UVSSA: variants seen among roughly 807,000 people sequenced by gnomAD.
UVSSA encodes the protein UV-stimulated scaffold protein A.
Under a neutral mutation model 73.9 loss-of-function variants are expected in UVSSA, and 72 were observed. That is an observed-to-expected ratio of 0.97 (90% CI 0.81 to 1.19). The LOEUF (loss-of-function observed/expected upper bound fraction) is 1.19, where lower values mean the gene tolerates loss of function less well. UVSSA is among the 50% of genes most tolerant of loss of function. The pLI is 0.00. For missense variants in UVSSA, 1,150 were observed against 965.0 expected, an observed-to-expected ratio of 1.19 and a Z score of -2.54; for synonymous variants, 454 against 391.3, an observed-to-expected ratio of 1.16 and a Z score of -1.89.
intron 12 of UVSSA, among the ~76,000 whole-genome samples, chr4:1,382,971 G>C (rs911906370): frequency 6.6e-6 from 1 of 152,182 alleles, no homozygotes; most frequent in African/African-American, 2.4e-5. Flanking sequence ...TCCCGAGCCC[G>C]ACCAGCACCA....
intron 12 of UVSSA, 43 bp downstream of exon 12, chr4:1,381,031 G>A (rs1362294786): frequency 6.3e-7 from 1 of 1,576,268 alleles, no homozygotes. Context: ...CACAGCCTGG[G>A]ACTCACTGCC....
intron 8 of UVSSA, among the ~76,000 whole-genome samples, chr4:1,370,412 G>C (rs1240573602): frequency 6.6e-6 from 1 of 152,234 alleles, no homozygotes; most frequent in African/African-American, 2.4e-5. Context: ...GTGTCTCCCG[G>C]GTGCGCGCCT....
intron 7 of UVSSA, among the ~76,000 whole-genome samples, chr4:1,360,683 G>T (rs746265106): frequency 1.3e-5 from 2 of 152,128 alleles, no homozygotes; most frequent in South Asian, 4.1e-4. Flanking sequence ...CCCGTGAGCC[G>T]AGTGTGTGTG....
intron 8 of UVSSA, among the ~76,000 whole-genome samples, chr4:1,367,973 C>T (rs1717552800): frequency 6.6e-6 from 1 of 152,262 alleles, no homozygotes; most frequent in Non-Finnish European, 1.5e-5. Context: ...CTGAGCACAC[C>T]GTTGGCCGCT....
At chr4:1,361,496 G>A (rs1321639641) in intron 7 of UVSSA, among the ~76,000 whole-genome samples, 5 of 152,276 alleles carry the variant, frequency 3.3e-5, no homozygotes, top group African/African-American at 7.2e-5. Flanking sequence ...GTGAGGACAC[G>A]CCTATGGTGC....
chr4:1,368,464 C>A (rs1021218694), intron 8 of UVSSA, among the ~76,000 whole-genome samples: 1 of 152,240 alleles, frequency 6.6e-6, no homozygotes, highest in East Asian at 1.9e-4. Flanking sequence ...TGAGGCTCCC[C>A]GGGCCTGTGG....
At chr4:1,379,985 C>T (rs1050280133) in intron 10 of UVSSA, 62 bp from the exon 11 acceptor site, 64 of 1,522,136 alleles carry the variant, frequency 4.2e-5, no homozygotes, top group Admixed American at 2.4e-4. Flanking sequence ...GCCTGCACCA[C>T]CGTGGCCACG....
intron 5 of UVSSA, among the ~76,000 whole-genome samples, chr4:1,354,146 G>A (rs1023590540): frequency 3.3e-5 from 5 of 152,236 alleles, no homozygotes; most frequent in East Asian, 1.9e-4. Context: ...ACTGATCCTC[G>A]GGTCTCAGCT....
Position 1,386,258 on chromosome 4 carries a change from G to T in UVSSA, c.*297G>T. ...AGTCCTCGTGAGACCAGTGCTTGTC[G>T]TGGTGTGGGGTTCAGCACGGACGGA... On this transcript the variant is annotated 3_prime_UTR_variant, in exon 14 of 14. Transcript: ENST00000389851. The T allele has an allele frequency of 2.7e-6, 1 of 366,186 alleles. No homozygotes were observed. Among genetic ancestry groups the T allele is most frequent in the South Asian group, 2.9e-5 (1 of 34,698 alleles). 22.7% of individuals were successfully genotyped at this position (366,186 alleles called of 1,614,324 possible). A position where few individuals can be genotyped will look rare whatever the true frequency, so the allele number is the denominator to read the frequency against.
intron 11 of UVSSA, among the ~76,000 whole-genome samples, 169 bp downstream of exon 11, chr4:1,380,399 C>T (rs1356416735): frequency 6.6e-6 from 1 of 152,208 alleles, no homozygotes; most frequent in Non-Finnish European, 1.5e-5. Context: ...AGCCGTTGGC[C>T]ATCAGAGCAT....
At chr4:1,395,525 T>G in exon 14 of UVSSA, 1 of 1,589,256 alleles carries the variant, frequency 6.3e-7, no homozygotes, top group South Asian at 1.1e-5. Context: ...CATGCCGATG[T>G]GGAGTGCCCG....
intron 2 of UVSSA, among the ~76,000 whole-genome samples, chr4:1,348,751 C>T (rs1309152774): frequency 6.6e-6 from 1 of 152,204 alleles, no homozygotes; most frequent in Non-Finnish European, 1.5e-5. Flanking sequence ...ATTGTTTATA[C>T]AGTGATGGAG....
chr4:1,354,492 T>A (rs1715345635), intron 5 of UVSSA: 5 of 534,736 alleles, frequency 9.4e-6, no homozygotes, highest in South Asian at 6.2e-5. Flanking sequence ...CCAAGGAGAC[T>A]GAGACACAGG....
chr4:1,382,236 T>C (rs1277022131), intron 12 of UVSSA, among the ~76,000 whole-genome samples: 3 of 152,354 alleles, frequency 2.0e-5, no homozygotes, highest in Admixed American at 6.5e-5. Flanking sequence ...CAGGAGCAAA[T>C]TAAGTGCCTA....
chr4:1,352,165 C>A (rs888250200), intron 4 of UVSSA, among the ~76,000 whole-genome samples: 10 of 152,236 alleles, frequency 6.6e-5, no homozygotes, highest in Non-Finnish European at 1.5e-4. Flanking sequence ...TATTTTGTGG[C>A]TGTCTTGCCC....
chr4:1,357,172 G>A (rs991996875), intron 7 of UVSSA, among the ~76,000 whole-genome samples: 1 of 148,112 alleles, frequency 6.8e-6, no homozygotes, highest in Admixed American at 6.6e-5. Flanking sequence ...GGTCCATAGA[G>A]CAGAGCGGGG....
chr4:1,367,028 C>T (rs1007031690), intron 8 of UVSSA, among the ~76,000 whole-genome samples: 2 of 152,344 alleles, frequency 1.3e-5, no homozygotes, highest in Admixed American at 6.5e-5. Flanking sequence ...CTCCCATCCC[C>T]GCTTACGGGG....
chr4:1,388,589 A>G (rs1038685130), downstream of UVSSA: 6 of 152,232 alleles, frequency 3.9e-5, no homozygotes, highest in Admixed American at 6.5e-5. Context: ...TGATGCTAAC[A>G]ATGCAGTTTT....
chr4:1,379,336 G>T (rs1216727636), intron 10 of UVSSA, among the ~76,000 whole-genome samples: 1 of 152,210 alleles, frequency 6.6e-6, no homozygotes, highest in Non-Finnish European at 1.5e-5. Context: ...TCCCCTGCCT[G>T]GGCATCCAGG....
Sources: allele counts gnomAD v4.1 joint callset (sites outside exome capture counted in the v4.1 genomes callset), GRCh38; gene constraint gnomAD v4.1.1; transcripts MANE v1.5; gene names NCBI Gene and HGNC (gene_info 2026-07-23, HGNC 2026-07-21).